The following PPP1R16A variants were observed in gnomAD, a reference collection of about 807,000 sequenced individuals.
PPP1R16A encodes myosin phosphatase-targeting subunit 3.
In PPP1R16A, 39 loss-of-function variants were observed where a neutral mutation model predicts 46.6. The observed-to-expected ratio is 0.84, with a 90% CI of 0.65 to 1.09. The LOEUF is 1.09. PPP1R16A is among the 50% of genes least tolerant of loss of function. The probability of loss-of-function intolerance (pLI) is 0.00; values close to 1 mark genes in which losing one functional copy is unlikely to be tolerated. For missense variants in PPP1R16A, 798 were observed against 735.6 expected (o/e 1.08, Z -0.98); for synonymous variants, 413 against 321.5 (o/e 1.28, Z -3.04).
intron 2 of PPP1R16A, among the ~76,000 whole-genome samples, chr8:144,492,329 G>A (rs370672297): frequency 8.3e-5 from 12 of 145,116 alleles, no homozygotes; most frequent in African/African-American, 2.8e-4. Flanking sequence ...CTGTCAAAAG[G>A]TGTACTTTTT....
At chr8:144,482,268 T>C (rs1825464209) in intron 1 of PPP1R16A, among the ~76,000 whole-genome samples, 1 of 151,894 alleles carries the variant, frequency 6.6e-6, no homozygotes, top group Non-Finnish European at 1.5e-5. Flanking sequence ...AGACGGGGTT[T>C]CTCCATGTTG....
chr8:144,496,910 G>C lies in PPP1R16A; in HGVS notation c.-285G>C, dbSNP rs1826096176. On this transcript the variant is annotated 5_prime_UTR_variant, in exon 3 of 12. Transcript: ENST00000435887. ...CATAGGTTGTGCACCCTGACCCCGA[G>C]AGGGAGGCGAGGCGCTGCTTGTCGA... 5.4e-6 allele frequency: 3 copies of C among 554,578 alleles called. No individual in the cohort carries two copies. The highest frequency in any genetic ancestry group is 9.7e-6 in the Non-Finnish European group (3 of 307,956). The allele number at this position is 554,578 out of a possible 1,614,324, so 34.4% of individuals were successfully genotyped here.
chr8:144,487,718 G>A (rs575820058), intron 1 of PPP1R16A, among the ~76,000 whole-genome samples: 20 of 152,280 alleles, frequency 1.3e-4, no homozygotes, highest in African/African-American at 4.6e-4. Flanking sequence ...CTATGCCTAA[G>A]CCAGTAACTT....
At chr8:144,494,303 T>C (rs1444651560) in intron 2 of PPP1R16A, among the ~76,000 whole-genome samples, 1 of 151,410 alleles carries the variant, frequency 6.6e-6, no homozygotes, top group Non-Finnish European at 1.5e-5. Context: ...CTGGGGACAG[T>C]AGGTGGTGTC....
At chr8:144,482,436 G>C (rs1473552019) in intron 1 of PPP1R16A, among the ~76,000 whole-genome samples, 1 of 151,890 alleles carries the variant, frequency 6.6e-6, no homozygotes, top group Non-Finnish European at 1.5e-5. Flanking sequence ...TGCTCAGGCT[G>C]GAGTGCAGTG....
At position 144,497,450 on chromosome 8, in the gene PPP1R16A, G is replaced by GA; in HGVS notation, c.258dup (p.Val87SerfsTer12). On this transcript the variant is annotated frameshift_variant, in exon 3 of 12. Coordinates refer to ENST00000435887, the MANE Select transcript of PPP1R16A (RefSeq NM_001329443.2). LOFTEE classifies it high-confidence loss of function. ...GGCCGCTGCCCGAAATGACCTGGAAGAAGGTGAGTGTGGCTGAGCCCAGAG... is the reference window on the plus strand; with the variant it reads ...GGCCGCTGCCCGAAATGACCTGGAAGAAAGGTGAGTGTGGCTGAGCCCAGAG... 1 of 1,612,822 alleles carries GA rather than the reference G, an allele frequency of 6.2e-7. No homozygotes were observed. The highest frequency in any genetic ancestry group is 1.1e-5 in the South Asian group (1 of 91,084).
intron 1 of PPP1R16A, among the ~76,000 whole-genome samples, chr8:144,480,176 C>G (rs1052193805): frequency 6.6e-6 from 1 of 152,214 alleles, no homozygotes; most frequent in Non-Finnish European, 1.5e-5. Context: ...ACTTTCCAGA[C>G]AGAAGGAGCA....
At position 144,500,933 on chromosome 8, in the gene PPP1R16A, C is replaced by A. The variant is rs565790019; in HGVS notation, c.999C>A (p.Ser333=). 5.2e-5 allele frequency: 79 copies of A among 1,508,918 alleles called. No homozygotes were observed. In the African/African-American group the frequency reaches 1.0e-3, roughly 19 times the overall value. The allele number at this position is 1,508,918 out of a possible 1,614,324, so 93.5% of individuals were successfully genotyped here. ...TGCGCGCCCAGAGCCGCCAGCGCTC[C>A]TTGCTGCGCCGCCGCACCTCCAGCG... ...ALLRAQSRQR[S]LLRRRTSSAG... Residue 333 remains serine (S), a synonymous_variant, in exon 10 of 12, where the codon TCC becomes TCA. Coordinates refer to ENST00000435887, the MANE Select transcript of PPP1R16A (RefSeq NM_001329443.2).
chr8:144,484,072 C>A (rs1226640639), intron 1 of PPP1R16A, among the ~76,000 whole-genome samples: 1 of 152,220 alleles, frequency 6.6e-6, no homozygotes, highest in Non-Finnish European at 1.5e-5. Flanking sequence ...TTGTCTAGAC[C>A]CCACACCTCT....
chr8:144,499,278 G>A (rs1826270133), intron 5 of PPP1R16A: 2 of 608,640 alleles, frequency 3.3e-6, no homozygotes, highest in South Asian at 2.7e-5. Context: ...CCCAGCATTC[G>A]TCCTCCTGCC....
chr8:144,486,628 G>A (rs1023552093), intron 1 of PPP1R16A, among the ~76,000 whole-genome samples: 1 of 152,086 alleles, frequency 6.6e-6, no homozygotes. Context: ...ATCTTGTCAC[G>A]GACGCATTTG....
chr8:144,492,630 T>TGGCCAAGCACAG (rs1436165523), intron 2 of PPP1R16A, among the ~76,000 whole-genome samples: 2 of 152,132 alleles, frequency 1.3e-5, no homozygotes, highest in Non-Finnish European at 2.9e-5. Flanking sequence ...CCACTGTGCC[T>TGGCCAAGCACAG]AGGTGCACAT....
rs746197210 is a variant in PPP1R16A at position 144,498,814 on chromosome 8, G to C, written c.304G>C (p.Glu102Gln). The C allele has an allele frequency of 1.2e-6, 2 of 1,604,936 alleles. No individual in the cohort carries two copies. Among genetic ancestry groups the C allele is most frequent in the Non-Finnish European group, 1.7e-6 (2 of 1,173,352 alleles). ...GSGVSPDLAN[E>Q]DGLTALHQCC... is the part of the protein sequence containing the mutation. ...TGGGGTCAGCCCTGACTTGGCCAAC[G>C]AGGACGGCCTGACGGCCCTGCACCA... Residue 102 changes from glutamate to glutamine, a missense_variant, in exon 4 of 12, where the codon GAG becomes CAG. Coordinates refer to ENST00000435887, the MANE Select transcript of PPP1R16A (RefSeq NM_001329443.2).
At chr8:144,480,847 T>G (rs991058616) in intron 1 of PPP1R16A, among the ~76,000 whole-genome samples, 3 of 152,092 alleles carry the variant, frequency 2.0e-5, no homozygotes, top group Non-Finnish European at 4.4e-5. Context: ...GCACCTATTT[T>G]AATGGGTTTT....
intron 2 of PPP1R16A, chr8:144,495,371 G>C (rs1826004547): frequency 6.6e-6 from 1 of 151,922 alleles, no homozygotes; most frequent in African/African-American, 2.4e-5. Flanking sequence ...ATGAGGCCTG[G>C]CTGGGTGGAG....
Position 144,501,202 on chromosome 8 carries a change from G to GT in PPP1R16A, c.1112dup (p.Trp372ValfsTer17). 1 of 1,609,500 alleles carries GT rather than the reference G, an allele frequency of 6.2e-7. No homozygotes were observed. Among genetic ancestry groups the GT allele is most frequent in the East Asian group, 2.2e-5 (1 of 44,840 alleles). ...CAAGCAGCACGCCCAGGAGGCCATC[G>GT]TGTGGCAACAGCCGCCGCCCACCAG... On this transcript the variant is annotated frameshift_variant, in exon 11 of 12. Coordinates refer to ENST00000435887, the MANE Select transcript of PPP1R16A (RefSeq NM_001329443.2). LOFTEE classifies it high-confidence loss of function.
intron 5 of PPP1R16A, chr8:144,499,683 C>T (rs1052703990): frequency 4.6e-6 from 1 of 217,678 alleles, no homozygotes; most frequent in Admixed American, 5.2e-5. Context: ...ACAGACACCC[C>T]CTTCTGTGTT....
In PPP1R16A at chr8:144,501,845, T is replaced by G; in HGVS notation, c.1529T>G (p.Leu510Arg). Reference protein sequence around the residue: ...RAGGDPPLLKLTAPAVEAPVE... With the variant: ...RAGGDPPLLKRTAPAVEAPVE... ...GGCGGGGACCCACCCCTGCTCAAGCTCACAGCCCCGGCGGTGGAGGCTCCC... is the reference window on the plus strand; with the variant it reads ...GGCGGGGACCCACCCCTGCTCAAGCGCACAGCCCCGGCGGTGGAGGCTCCC... The change falls in exon 12 of 12, where the codon CTC (leucine) becomes CGC (arginine). Residue 510 changes from leucine (L) to arginine (R), a missense_variant. Leu to Arg is a moderately radical substitution (Grantham distance 102). Transcript: ENST00000435887. The G allele has an allele frequency of 6.5e-7, 1 of 1,549,042 alleles. No homozygotes were observed. The highest frequency in any genetic ancestry group is 8.7e-7 in the Non-Finnish European group (1 of 1,148,232).
Position 144,478,144 on chromosome 8 carries a change from C to T in PPP1R16A, c.-914+17C>T, listed in dbSNP as rs1825251760. The stretch of plus-strand genomic sequence containing the variant: ...GGGCGCGAGGTGAGGCGCGGACTCC[C>T]GGGTCCTGCGGCGGGAGCGGAGCGA... On this transcript the variant is annotated intron_variant, in intron 1 of 11. Transcript: ENST00000435887. The T allele has an allele frequency of 2.5e-6, 1 of 394,678 alleles. No homozygotes were observed. Among genetic ancestry groups the T allele is most frequent in the Non-Finnish European group, 4.5e-6 (1 of 223,392 alleles). 24.4% of individuals were successfully genotyped at this position (394,678 alleles called of 1,614,324 possible).
Sources: gnomAD v4.1 joint callset for allele counts (sites outside exome capture counted in the v4.1 genomes callset) on GRCh38, gnomAD v4.1.1 for gene constraint, MANE v1.5 for transcripts, NCBI Gene and HGNC (gene_info 2026-07-23, HGNC 2026-07-21) for gene names.